FIG4: variants seen among roughly 807,000 people sequenced by gnomAD.
FIG4 encodes FIG4 phosphoinositide 5-phosphatase, also known as polyphosphoinositide phosphatase.
Under a neutral mutation model 118.6 loss-of-function variants are expected in FIG4, and 112 were observed. The ratio of observed to expected loss-of-function variants is 0.94; its 90% CI spans 0.81 to 1.11. FIG4 has a LOEUF of 1.11. FIG4 is among the 50% of genes least tolerant of loss of function. The pLI, the probability that FIG4 is intolerant of heterozygous loss-of-function variation, is 0.00. For missense variants in FIG4, 969 were observed against 1,111.7 expected (o/e 0.87, Z 1.83); for synonymous variants, 369 against 381.2 (o/e 0.97, Z 0.37).
chr6:109,699,707 T>C (rs1221761806), intron 1 of FIG4, among the ~76,000 whole-genome samples: 1 of 152,096 alleles, frequency 6.6e-6, no homozygotes, highest in African/African-American at 2.4e-5. Context: ...TTTCACCATG[T>C]TGGCTAGCCT....
intron 4 of FIG4, 127 bp from the exon 5 acceptor site, chr6:109,732,510 A>G (rs999379401): frequency 2.3e-5 from 15 of 664,416 alleles, no homozygotes; most frequent in East Asian, 2.2e-4. Context: ...CCTATTCTAG[A>G]TATGGTTTGA....
intron 21 of FIG4, 76 bp downstream of exon 21, chr6:109,792,740 T>C: frequency 1.9e-6 from 1 of 515,264 alleles, no homozygotes; most frequent in South Asian, 2.6e-5. Context: ...CTATACCTTT[T>C]TTTTTTTTTT....
At position 109,792,572 on chromosome 6, in the gene FIG4, TA is replaced by T. The variant is rs1778165188; in HGVS notation, c.2377-7del. The stretch of plus-strand genomic sequence containing the variant: ...CTTCCTGGTTCTTCTTTTTTTTTTT[TA>T]AACCCCAGAATGTGGTCCAACCCAT... On this transcript the variant is annotated splice_polypyrimidine_tract_variant and intron_variant, in intron 20 of 22. Coordinates refer to ENST00000230124, the MANE Select transcript of FIG4 (RefSeq NM_014845.6). 4 of 1,497,072 alleles carry T rather than the reference TA, an allele frequency of 2.7e-6. No individual in the cohort carries two copies. The highest frequency in any genetic ancestry group is 2.8e-6 in the Non-Finnish European group (3 of 1,080,240). 92.7% of individuals were successfully genotyped at this position (1,497,072 alleles called of 1,614,324 possible).
intron 1 of FIG4, among the ~76,000 whole-genome samples, 192 bp downstream of exon 1, chr6:109,691,693 C>T (rs979897104): frequency 2.0e-5 from 3 of 152,154 alleles, no homozygotes; most frequent in African/African-American, 4.8e-5. Flanking sequence ...ATTTTGGTAC[C>T]CTGGACATTG....
intron 10 of FIG4, among the ~76,000 whole-genome samples, chr6:109,759,186 G>A (rs1318642462): frequency 2.0e-5 from 3 of 152,144 alleles, no homozygotes; most frequent in African/African-American, 7.2e-5. Context: ...GCAAAGACTT[G>A]AAACCAACCC....
At chr6:109,811,375 A>G (rs1778716487) in intron 22 of FIG4, among the ~76,000 whole-genome samples, 1 of 152,186 alleles carries the variant, frequency 6.6e-6, no homozygotes, top group African/African-American at 2.4e-5. Flanking sequence ...ATGACCTTCT[A>G]TCAGCAATGT....
chr6:109,780,324 C>A (rs1052255002), intron 16 of FIG4, among the ~76,000 whole-genome samples: 1 of 152,154 alleles, frequency 6.6e-6, no homozygotes, highest in Non-Finnish European at 1.5e-5. Context: ...GCCATCTTTT[C>A]ACCTTAGCCT....
chr6:109,743,381 C>A, intron 9 of FIG4, 109 bp downstream of exon 9: 1 of 1,054,830 alleles, frequency 9.5e-7, no homozygotes, highest in East Asian at 2.4e-5. Context: ...GGTTTTAGTC[C>A]TGGAAGGTAG....
chr6:109,751,670 T>A (rs1292897557), intron 10 of FIG4, among the ~76,000 whole-genome samples: 2 of 152,004 alleles, frequency 1.3e-5, no homozygotes, highest in Non-Finnish European at 2.9e-5. Context: ...GGAATTTATC[T>A]ATTTCTTCTA....
intron 10 of FIG4, 137 bp from the exon 11 acceptor site, chr6:109,760,113 A>C (rs1190237382): frequency 1.4e-6 from 1 of 691,060 alleles, no homozygotes; most frequent in Non-Finnish European, 2.6e-6. Flanking sequence ...ATTTCTGATT[A>C]TTGTAGCTAG....
chr6:109,743,070 TA>T, intron 8 of FIG4, 39 bp from the exon 9 acceptor site: 1 of 1,538,282 alleles, frequency 6.5e-7, no homozygotes, highest in Non-Finnish European at 9.0e-7. Context: ...TAAACATTTC[TA>T]ATAACATAAA....
At chr6:109,815,495 G>GCCCCCCCC (rs112617514) in intron 22 of FIG4, among the ~76,000 whole-genome samples, 33 of 89,154 alleles carry the variant, frequency 3.7e-4, no homozygotes, top group African/African-American at 9.3e-4. Context: ...ACTCCAGGCT[G>GCCCCCCCC]CCCCCCCCAC....
intron 1 of FIG4, among the ~76,000 whole-genome samples, chr6:109,698,021 T>C (rs1461143745): frequency 1.3e-5 from 2 of 152,032 alleles, no homozygotes; most frequent in Non-Finnish European, 2.9e-5. Context: ...CCCGGATAGC[T>C]GGGATTACAG....
intron 3 of FIG4, among the ~76,000 whole-genome samples, chr6:109,725,554 G>T (rs1178402443): frequency 6.6e-6 from 1 of 152,140 alleles, no homozygotes; most frequent in African/African-American, 2.4e-5. Flanking sequence ...AAATGATGCT[G>T]CAGTAAACAT....
At chr6:109,707,364 T>TATATATATATACATATATATATAC (rs1281213311) in intron 1 of FIG4, among the ~76,000 whole-genome samples, 2 of 7,824 alleles carry the variant, frequency 2.6e-4, no homozygotes, top group African/African-American at 1.7e-3. Context: ...CATATATACG[T>TATATATATATACATATATATATAC]GTATATATAT....
At chr6:109,739,429 G>C (rs930361151) in intron 7 of FIG4, among the ~76,000 whole-genome samples, 2 of 152,088 alleles carry the variant, frequency 1.3e-5, no homozygotes, top group African/African-American at 4.8e-5. Flanking sequence ...TTTCTAGTAT[G>C]TTAGACTTTT....
intron 1 of FIG4, among the ~76,000 whole-genome samples, chr6:109,697,687 C>T (rs898373364): frequency 5.9e-5 from 9 of 152,262 alleles, no homozygotes; most frequent in Admixed American, 2.0e-4. Flanking sequence ...GGGGGCCATA[C>T]GAAGGACATG....
intron 22 of FIG4, among the ~76,000 whole-genome samples, chr6:109,797,098 A>G (rs1415825768): frequency 6.6e-6 from 1 of 152,158 alleles, no homozygotes; most frequent in African/African-American, 2.4e-5. Flanking sequence ...GCTTCCAACC[A>G]TGAACTCTGC....
intron 7 of FIG4, among the ~76,000 whole-genome samples, chr6:109,739,341 T>C (rs369561336): frequency 1.3e-5 from 2 of 152,164 alleles, no homozygotes; most frequent in African/African-American, 4.8e-5. Flanking sequence ...GAAGGCAGCA[T>C]GTACCATCTA....
Sources: gnomAD v4.1 joint callset for allele counts (sites outside exome capture counted in the v4.1 genomes callset) on GRCh38, gnomAD v4.1.1 for gene constraint, MANE v1.5 for transcripts, NCBI Gene and HGNC (gene_info 2026-07-23, HGNC 2026-07-21) for gene names.